Variants in RLF observed in about 807,000 individuals in gnomAD.
RLF encodes RLF zinc finger, also known as zinc finger protein Rlf.
In RLF, 7 loss-of-function variants were observed where a neutral mutation model predicts 162.9. That is an observed-to-expected ratio of 0.04 (90% confidence interval 0.02 to 0.08). RLF has a LOEUF of 0.08. RLF is among the 10% of genes least tolerant of loss of function. RLF has a pLI of 1.00. For synonymous variants in RLF, 782 were observed against 791.5 expected (o/e 0.99, Z 0.20); for missense variants, 1,664 against 2,244.7 (o/e 0.74, Z 5.23).
At chr1:40,178,887 A>G (rs1642369234) in intron 1 of RLF, among the ~76,000 whole-genome samples, 1 of 151,532 alleles carries the variant, frequency 6.6e-6, no homozygotes, top group Admixed American at 6.6e-5. Flanking sequence ...CAGGCTGGAG[A>G]GCATTGGTGC....
In RLF at chr1:40,237,751, G is replaced by T; in HGVS notation, c.3049G>T (p.Asp1017Tyr). The change falls in exon 8 of 8, where the codon GAT becomes TAT. Residue 1017 changes from aspartate (D) to tyrosine (Y), a missense_variant. Coordinates refer to ENST00000372771, the MANE Select transcript of RLF (RefSeq NM_012421.4). The surrounding 1 kb of genome is among the most constrained non-coding windows in gnomAD (Gnocchi z 4.4). Reference sequence around the variant, plus strand: ...GGATGCAGAACCTAAACCCTGCTCAGATACAAACAGTGACTCCCCAGATGA... The same window carrying T: ...GGATGCAGAACCTAAACCCTGCTCATATACAAACAGTGACTCCCCAGATGA... ...KLDAEPKPCSDTNSDSPDEGL... is the reference protein window; with the variant it reads ...KLDAEPKPCSYTNSDSPDEGL... 1 of 1,614,062 alleles carries T rather than the reference G, an allele frequency of 6.2e-7. No homozygotes were observed. The highest frequency in any genetic ancestry group is 1.1e-5 in the South Asian group (1 of 91,074).
At chr1:40,194,290 C>T (rs1642599751) in intron 3 of RLF, among the ~76,000 whole-genome samples, 1 of 152,076 alleles carries the variant, frequency 6.6e-6, no homozygotes, top group African/African-American at 2.4e-5. Context: ...GTTAGAGGAA[C>T]AGGCAGCCTG....
chr1:40,240,031 A>G lies in RLF; in HGVS notation c.5329A>G (p.Ile1777Val). 1 of 1,614,128 alleles carries G rather than the reference A, an allele frequency of 6.2e-7. No individual in the cohort carries two copies. Among genetic ancestry groups the G allele is most frequent in the East Asian group, 2.2e-5 (1 of 44,882 alleles). The change falls in exon 8 of 8, where the codon ATT becomes GTT. Residue 1777 changes from isoleucine (I) to valine (V), a missense_variant. Transcript: ENST00000372771. Reference sequence around the variant, plus strand: ...ATTTGAATCTTCATTTCTGAAATTTATTCAGGAAAGTGAAGAGAAAGAAGA... The same window carrying G: ...ATTTGAATCTTCATTTCTGAAATTTGTTCAGGAAAGTGAAGAGAAAGAAGA... ...MGFESSFLKF[I>V]QESEEKEDDF...
chr1:40,170,983 T>A (rs946624631), intron 1 of RLF, among the ~76,000 whole-genome samples: 1 of 151,898 alleles, frequency 6.6e-6, no homozygotes, highest in Non-Finnish European at 1.5e-5. Context: ...TAGCAGCTTA[T>A]GGTGCTGACA....
chr1:40,239,695 A>T lies in RLF; in HGVS notation c.4993A>T (p.Thr1665Ser). Residue 1665 changes from threonine (T) to serine (S), a missense_variant, in exon 8 of 8, where the codon ACT (threonine) becomes TCT (serine). This residue lies in a region of RLF where 327 missense variants were observed against 342.7 expected (regional missense o/e 0.95). Transcript: ENST00000372771. ...IESSSVFDADTLLYRGTLKCN... is the reference protein window; with the variant it reads ...IESSSVFDADSLLYRGTLKCN... ...AAGCAGCTCAGTATTTGATGCAGAT[A>T]CTCTGCTCTACAGGGGAACTTTGAA... 1 of 1,614,152 alleles carries T rather than the reference A, an allele frequency of 6.2e-7. No individual in the cohort carries two copies. The highest frequency in any genetic ancestry group is 1.7e-5 in the Admixed American group (1 of 60,010).
At chr1:40,182,124 G>T (rs943109294) in intron 1 of RLF, among the ~76,000 whole-genome samples, 2 of 152,046 alleles carry the variant, frequency 1.3e-5, no homozygotes, top group South Asian at 2.1e-4. Context: ...TAAAATGTTC[G>T]GTTTAGGCAT....
intron 5 of RLF, among the ~76,000 whole-genome samples, chr1:40,214,186 C>T (rs1382533404): frequency 1.3e-5 from 2 of 152,068 alleles, no homozygotes; most frequent in Non-Finnish European, 2.9e-5. Context: ...GAGGTGTCTG[C>T]TGGGCAATGG....
At position 40,238,546 on chromosome 1, in the gene RLF, CAAG is replaced by C. The variant is rs753457892; in HGVS notation, c.3848_3850del (p.Glu1283del). The C allele has an allele frequency of 6.2e-7, 1 of 1,613,678 alleles. No homozygotes were observed. Among genetic ancestry groups the C allele is most frequent in the Admixed American group, 1.7e-5 (1 of 59,998 alleles). On this transcript the variant is annotated inframe_deletion, in exon 8 of 8. Coordinates refer to ENST00000372771, the MANE Select transcript of RLF (RefSeq NM_012421.4). The surrounding 1 kb of genome is among the most constrained non-coding windows in gnomAD (Gnocchi z 5.2). Reference sequence around the variant, plus strand: ...ACCAATAGGCAGCCATAGAGAAGAACAAGAAGGAAGAGAGGGCAGAGGTAGCAG... The same window carrying C: ...ACCAATAGGCAGCCATAGAGAAGAACAAGGAAGAGAGGGCAGAGGTAGCAG...
rs1642424547 is a variant in RLF at position 40,182,807 on chromosome 1, C to G, written c.238-6248C>G. On this transcript the variant is annotated intron_variant, in intron 1 of 7. Coordinates refer to ENST00000372771, the MANE Select transcript of RLF (RefSeq NM_012421.4). ...TAGATAGATAGAGTAATAAGTTAGT[C>G]ATATCACTGGCTTTAAGAAAACCAC... 2.0e-5 allele frequency among the ~76,000 whole-genome samples: 3 copies of G among 149,276 alleles called. No homozygotes were observed. In the South Asian group the frequency reaches 6.4e-4, roughly 32 times the overall value.
At chr1:40,165,940 A>G (rs1316933069) in intron 1 of RLF, among the ~76,000 whole-genome samples, 1 of 152,156 alleles carries the variant, frequency 6.6e-6, no homozygotes. Context: ...CTCTGCCTAA[A>G]TAACCCGGGG....
intron 5 of RLF, among the ~76,000 whole-genome samples, chr1:40,207,900 C>T (rs924620795): frequency 6.6e-6 from 1 of 152,236 alleles, no homozygotes; most frequent in Non-Finnish European, 1.5e-5. Context: ...CGTAAGCCAC[C>T]ACGCCTGGCC....
At chr1:40,228,856 G>A (rs542300762) in intron 6 of RLF, among the ~76,000 whole-genome samples, 1 of 152,016 alleles carries the variant, frequency 6.6e-6, no homozygotes, top group Admixed American at 6.5e-5. Context: ...ATACTGGTGA[G>A]ATCACAGCTT....
Position 40,229,257 on chromosome 1 carries a change from G to A in RLF, c.948-2260G>A, listed in dbSNP as rs1643121841. Among the ~76,000 whole-genome samples the A allele has an allele frequency of 2.6e-5, 4 of 152,082 alleles. No homozygotes were observed. In the South Asian group the frequency reaches 8.3e-4, roughly 32 times the overall value. On this transcript the variant is annotated intron_variant, in intron 6 of 7. Transcript: ENST00000372771. ...TTAAATCTGAATAAAGCAATTGTGT[G>A]TTTAAAAATGAACAGTTATCCCAGC...
chr1:40,163,431 G>A (rs1314542646), intron 1 of RLF, among the ~76,000 whole-genome samples: 1 of 152,152 alleles, frequency 6.6e-6, no homozygotes, highest in Non-Finnish European at 1.5e-5. Flanking sequence ...TCACATTGAA[G>A]CTTGTCAAAG....
In RLF at chr1:40,237,202, A is replaced by G. The variant is rs1324894112; in HGVS notation, c.2500A>G (p.Ile834Val). 3 of 1,613,864 alleles carry G rather than the reference A, an allele frequency of 1.9e-6. No homozygotes were observed. Among genetic ancestry groups the G allele is most frequent in the Non-Finnish European group, 2.5e-6 (3 of 1,179,932 alleles). Residue 834 changes from isoleucine (I) to valine (V), a missense_variant, in exon 8 of 8, where the codon ATA (isoleucine) becomes GTA (valine). Ile to Val is a conservative substitution (Grantham distance 29, BLOSUM62 3). Coordinates refer to ENST00000372771, the MANE Select transcript of RLF (RefSeq NM_012421.4). The surrounding 1 kb of genome is among the most constrained non-coding windows in gnomAD (Gnocchi z 4.4). ...MHNVENSNGD[I>V]KKSVKLEESA... is the part of the protein sequence containing the mutation. The stretch of plus-strand genomic sequence containing the variant: ...TAATGTTGAAAATTCAAATGGAGAC[A>G]TAAAGAAATCAGTGAAACTTGAGGA...
At chr1:40,201,572 G>A (rs1252040316) in intron 4 of RLF, among the ~76,000 whole-genome samples, 5 of 144,018 alleles carry the variant, frequency 3.5e-5, no homozygotes, top group African/African-American at 1.3e-4. Context: ...CTTGCAGTGA[G>A]CCAAGATCGC....
intron 3 of RLF, 45 bp downstream of exon 3, chr1:40,190,898 C>T: frequency 8.4e-7 from 1 of 1,197,304 alleles, no homozygotes; most frequent in Non-Finnish European, 1.2e-6. Flanking sequence ...TCCAAGACAC[C>T]TAATTAATTA....
In RLF at chr1:40,240,410, C is replaced by A. The variant is rs774528821; in HGVS notation, c.5708C>A (p.Thr1903Lys). The A allele has an allele frequency of 1.9e-6, 3 of 1,612,014 alleles. No homozygotes were observed. The highest frequency in any genetic ancestry group is 1.7e-5 in the Admixed American group (1 of 59,326). Residue 1903 changes from threonine (T) to lysine (K), a missense_variant, in exon 8 of 8, where the codon ACA (threonine) becomes AAA (lysine). Coordinates refer to ENST00000372771, the MANE Select transcript of RLF (RefSeq NM_012421.4). ...ACACCAATTTTAGACTTATTTCCAA[C>A]AAAAAAGACAGATGAGCTTTGTGTA... ...FSTPILDLFP[T>K]KKTDELCVGS...
chr1:40,236,230 T>C lies in RLF; in HGVS notation c.1528T>C (p.Phe510Leu), dbSNP rs755748960. The C allele has an allele frequency of 6.2e-6, 10 of 1,613,446 alleles. No individual in the cohort carries two copies. In the East Asian group the frequency reaches 2.0e-4, roughly 32 times the overall value. The change falls in exon 8 of 8, where the codon TTT (phenylalanine) becomes CTT (leucine). Residue 510 changes from phenylalanine (F) to leucine (L), a missense_variant. Phe to Leu is a conservative substitution (Grantham distance 22). Transcript: ENST00000372771. This position sits in a 1 kb window ranked among gnomAD's most constrained non-coding sequence, Gnocchi z 7.7. Reference protein sequence around the residue: ...SINDTDVLESFLSDYDEGKED... With the variant: ...SINDTDVLESLLSDYDEGKED... The stretch of plus-strand genomic sequence containing the variant: ...TAATGACACAGATGTTTTAGAGTCA[T>C]TTCTCAGTGACTATGATGAGGGTAA...
Sources: allele counts gnomAD v4.1 joint callset (sites outside exome capture counted in the v4.1 genomes callset), GRCh38; gene constraint gnomAD v4.1.1; regional missense constraint gnomAD v4.1.1; non-coding constraint Gnocchi (gnomAD v3.1); transcripts MANE v1.5; gene names NCBI Gene and HGNC (gene_info 2026-07-23, HGNC 2026-07-21).